Variants in SETD3 observed in about 807,000 individuals in gnomAD.
SETD3 encodes the protein SET domain containing 3, actin N3(tau)-histidine methyltransferase, also known as actin-histidine N-methyltransferase.
A neutral mutation model predicts 63.0 loss-of-function variants in SETD3; 19 were observed. That is an observed-to-expected ratio of 0.30 (90% CI 0.21 to 0.44). The LOEUF (loss-of-function observed/expected upper bound fraction) is 0.44, where lower values mean the gene tolerates loss of function less well. Among genes scored for constraint, SETD3 ranks in the 20% least tolerant of loss-of-function variants. The pLI is 1.00. For missense variants in SETD3, 587 were observed against 728.5 expected (o/e 0.81, Z 2.24); for synonymous variants, 286 against 264.1 (o/e 1.08, Z -0.80).
At chr14:99,473,207 G>T (rs1200384063) in intron 1 of SETD3, among the ~76,000 whole-genome samples, 1 of 152,198 alleles carries the variant, frequency 6.6e-6, no homozygotes, top group Admixed American at 6.5e-5. Flanking sequence ...CCAATCAAGC[G>T]ATTCTTTTCC....
intron 6 of SETD3, among the ~76,000 whole-genome samples, chr14:99,450,547 G>T (rs1894400826): frequency 6.6e-6 from 1 of 152,186 alleles, no homozygotes; most frequent in Non-Finnish European, 1.5e-5. Context: ...CTCAGCTCTG[G>T]CTAGGTAGGA....
rs1366551679 is a variant in SETD3 at position 99,410,398 on chromosome 14, G to GA, written c.849+2552dup. ...ACACAAACAGAAGGACCCTGAAAAA[G>GA]AACTTCCCTCCGTTGTGCCTGAATT... On this transcript the variant is annotated intron_variant, in intron 8 of 12. Transcript: ENST00000331768. 5.1e-6 allele frequency: 4 copies of GA among 782,340 alleles called. No individual in the cohort carries two copies. The East Asian group carries it at 1.2e-4, about 24-fold the overall frequency. The allele number at this position is 782,340 out of a possible 1,614,324, so 48.5% of individuals were successfully genotyped here.
chr14:99,454,638 A>C lies in SETD3; in HGVS notation c.675+3641T>G, dbSNP rs1043221817. On this transcript the variant is annotated intron_variant, in intron 6 of 12. Transcript: ENST00000331768. ...CTACAATGAGCACTGTGTGCTAGGC[A>C]CAGTGCTAAGGGCCTCACGTGGATC... is the stretch of plus-strand genomic sequence containing the variant. Among the ~76,000 whole-genome samples, 3 of 152,354 alleles carry C rather than the reference A, an allele frequency of 2.0e-5. No homozygotes were observed. In the South Asian group the frequency reaches 6.2e-4, roughly 32 times the overall value.
rs548890745 is a variant in SETD3, at chr14:99,476,801, T to C, written c.-9+3927A>G. On this transcript the variant is annotated intron_variant, in intron 1 of 12. Transcript: ENST00000331768. ...CCTGATGAATTGTATTCTTAAAAAATGGAACGTGAAACTCAGGATCATAGA... is the reference window on the plus strand; with the variant it reads ...CCTGATGAATTGTATTCTTAAAAAACGGAACGTGAAACTCAGGATCATAGA... 2.0e-5 allele frequency among the ~76,000 whole-genome samples: 3 copies of C among 152,324 alleles called. No individual in the cohort carries two copies. The South Asian group carries it at 6.2e-4, about 32-fold the overall frequency.
intron 4 of SETD3, among the ~76,000 whole-genome samples, 174 bp downstream of exon 4, chr14:99,461,018 G>A (rs1025119756): frequency 2.6e-5 from 4 of 152,152 alleles, no homozygotes; most frequent in African/African-American, 7.2e-5. Context: ...AGGAGGATAA[G>A]GTGGGAGGAG....
intron 9 of SETD3, 67 bp from the exon 10 acceptor site, chr14:99,405,438 C>A: frequency 3.3e-6 from 5 of 1,520,540 alleles, no homozygotes; most frequent in Non-Finnish European, 4.5e-6. Context: ...TAACACAGGG[C>A]AGGGCAGAGG....
chr14:99,442,152 C>G (rs1893859650), intron 6 of SETD3, among the ~76,000 whole-genome samples: 1 of 152,186 alleles, frequency 6.6e-6, no homozygotes, highest in Admixed American at 6.5e-5. Flanking sequence ...CCAACCTAGC[C>G]ACTTCCTGGC....
intron 6 of SETD3, among the ~76,000 whole-genome samples, chr14:99,421,352 G>A (rs1892588156): frequency 6.6e-6 from 1 of 151,276 alleles, no homozygotes; most frequent in Admixed American, 6.6e-5. Flanking sequence ...GCAATTTTGG[G>A]TTTCAATAAT....
chr14:99,472,537 T>G (rs952619854), intron 1 of SETD3, among the ~76,000 whole-genome samples: 2 of 152,230 alleles, frequency 1.3e-5, no homozygotes, highest in African/African-American at 2.4e-5. Context: ...CAAATAGGTA[T>G]TCTGAACATA....
chr14:99,423,823 G>A (rs1446742776), intron 6 of SETD3, among the ~76,000 whole-genome samples: 2 of 152,050 alleles, frequency 1.3e-5, no homozygotes, highest in East Asian at 1.9e-4. Context: ...TATGAGAACG[G>A]CCAAGGGATA....
intron 6 of SETD3, among the ~76,000 whole-genome samples, chr14:99,416,965 T>C (rs926669889): frequency 6.6e-6 from 1 of 152,142 alleles, no homozygotes; most frequent in Non-Finnish European, 1.5e-5. Flanking sequence ...TACAAAATAA[T>C]CACTACGTTT....
chr14:99,406,692 C>A, intron 8 of SETD3, 102 bp from the exon 9 acceptor site: 1 of 1,143,636 alleles, frequency 8.7e-7, no homozygotes, highest in South Asian at 1.3e-5. Context: ...AAGGGGATCC[C>A]AAGGTACTCA....
intron 11 of SETD3, among the ~76,000 whole-genome samples, chr14:99,403,127 G>T (rs75613950): frequency 1.3e-5 from 2 of 152,134 alleles, no homozygotes; most frequent in Non-Finnish European, 2.9e-5. Flanking sequence ...TGGGTTCTGC[G>T]GTTGGTGTGT....
At chr14:99,455,095 G>C (rs537959777) in intron 6 of SETD3, among the ~76,000 whole-genome samples, 87 of 152,322 alleles carry the variant, frequency 5.7e-4, no homozygotes, top group South Asian at 4.8e-3. Flanking sequence ...ATACAATACA[G>C]GTTTGTCTTA....
chr14:99,443,427 T>A (rs1893952027), intron 6 of SETD3, among the ~76,000 whole-genome samples: 1 of 152,056 alleles, frequency 6.6e-6, no homozygotes, highest in Admixed American at 6.5e-5. Flanking sequence ...GATTTTTGCA[T>A]TTTTAGTAGA....
intron 6 of SETD3, among the ~76,000 whole-genome samples, chr14:99,415,263 A>C (rs552234395): frequency 6.6e-6 from 1 of 152,340 alleles, no homozygotes; most frequent in African/African-American, 2.4e-5. Flanking sequence ...CTGTAGAATT[A>C]AACTGTAGAA....
At chr14:99,424,745 A>T (rs1420804307) in intron 6 of SETD3, among the ~76,000 whole-genome samples, 1 of 152,048 alleles carries the variant, frequency 6.6e-6, no homozygotes, top group African/African-American at 2.4e-5. Context: ...AGTTCTTGTC[A>T]CATGGTCTCA....
chr14:99,398,459 TGTTA>T lies in SETD3; in HGVS notation c.*216_*219del. 1.8e-6 allele frequency: 1 copy of T among 540,698 alleles called. No homozygotes were observed. 33.5% of individuals were successfully genotyped at this position (540,698 alleles called of 1,614,324 possible). A position where few individuals can be genotyped will look rare whatever the true frequency, so the allele number is the denominator to read the frequency against. On this transcript the variant is annotated 3_prime_UTR_variant, in exon 13 of 13. Coordinates refer to ENST00000331768, the MANE Select transcript of SETD3 (RefSeq NM_032233.3). The stretch of plus-strand genomic sequence containing the variant: ...CTCTTCTCCCTTTCTTGTGGTTGTT[TGTTA>T]ATTGGTTTGTTTTGCCTAAAAGCAA...
intron 6 of SETD3, among the ~76,000 whole-genome samples, chr14:99,414,245 G>A (rs1411012800): frequency 2.6e-5 from 4 of 152,232 alleles, no homozygotes; most frequent in Non-Finnish European, 4.4e-5. Flanking sequence ...ACGCCTACGC[G>A]ATGAGCACTG....
Sources: gnomAD v4.1 joint callset for allele counts (sites outside exome capture counted in the v4.1 genomes callset) on GRCh38, gnomAD v4.1.1 for gene constraint, MANE v1.5 for transcripts, NCBI Gene and HGNC (gene_info 2026-07-23, HGNC 2026-07-21) for gene names.